FRS3: variants seen among roughly 807,000 people sequenced by gnomAD.
FRS3 encodes fibroblast growth factor receptor substrate 3, also known as FGFR substrate 3.
Under a neutral mutation model 41.9 loss-of-function variants are expected in FRS3, and 17 were observed. The ratio of observed to expected loss-of-function variants is 0.41; its 90% CI spans 0.28 to 0.61. The LOEUF is 0.61. Ranked by LOEUF, FRS3 falls within the 20% of genes least tolerant of loss-of-function variation. The pLI is 0.36. For missense variants in FRS3, 619 were observed against 672.1 expected, an observed-to-expected ratio of 0.92 and a Z score of 0.87; for synonymous variants, 287 against 274.5, an observed-to-expected ratio of 1.05 and a Z score of -0.45.
chr6:41,773,032 G>T, intron 4 of FRS3, 73 bp from the exon 5 acceptor site: 2 of 1,278,090 alleles, frequency 1.6e-6, no homozygotes, highest in South Asian at 1.2e-5. Context: ...TGCACAATGT[G>T]CAGGAAATGT....
Position 41,770,767 on chromosome 6 carries a change from G to C in FRS3, c.1331C>G (p.Pro444Arg). ...QNPSSPQAPM[P>R]TTHPARSSDS... Reference sequence around the variant, plus strand: ...TGAGCTTCGGGCAGGGTGGGTGGTGGGCATGGGGGCTTGGGGGCTCGAGGG... The same window carrying C: ...TGAGCTTCGGGCAGGGTGGGTGGTGCGCATGGGGGCTTGGGGGCTCGAGGG... The change falls in exon 7 of 7, where the codon CCC (proline) becomes CGC (arginine). Residue 444 changes from proline to arginine, a missense_variant. Coordinates refer to ENST00000373018, the MANE Select transcript of FRS3 (RefSeq NM_006653.5). The C allele has an allele frequency of 6.2e-7, 1 of 1,613,508 alleles. No homozygotes were observed. Among genetic ancestry groups the C allele is most frequent in the South Asian group, 1.1e-5 (1 of 91,080 alleles).
Position 41,770,766 on chromosome 6 carries a change from G to C in FRS3, c.1332C>G (p.Pro444=), listed in dbSNP as rs1288350688. ...CTGAGCTTCGGGCAGGGTGGGTGGT[G>C]GGCATGGGGGCTTGGGGGCTCGAGG... The part of the protein sequence containing the change: ...QNPSSPQAPM[P]TTHPARSSDS... The change falls in exon 7 of 7, where the codon CCC becomes CCG. Residue 444 remains proline, a synonymous_variant. Coordinates refer to ENST00000373018, the MANE Select transcript of FRS3 (RefSeq NM_006653.5). 2 of 1,613,316 alleles carry C rather than the reference G, an allele frequency of 1.2e-6. No homozygotes were observed. Among genetic ancestry groups the C allele is most frequent in the African/African-American group, 2.7e-5 (2 of 74,932 alleles).
Position 41,770,907 on chromosome 6 carries a change from T to C in FRS3, c.1191A>G (p.Pro397=), listed in dbSNP as rs1355269143. 6.2e-7 allele frequency: 1 copy of C among 1,611,336 alleles called. No individual in the cohort carries two copies. The highest frequency in any genetic ancestry group is 1.1e-5 in the South Asian group (1 of 91,066). ...GGCGGAAATCAAAGTTGAAGACCCTTGGGGAGCCGCGGCGGCGGGTCAGTG... is the reference window on the plus strand; with the variant it reads ...GGCGGAAATCAAAGTTGAAGACCCTCGGGGAGCCGCGGCGGCGGGTCAGTG... ...PVPLTRRRGS[P]RVFNFDFRRP... The change falls in exon 7 of 7, where the codon CCA becomes CCG. Residue 397 remains proline, a synonymous_variant. Transcript: ENST00000373018.
intron 4 of FRS3, among the ~76,000 whole-genome samples, chr6:41,773,753 T>C (rs1561891713): frequency 1.3e-5 from 2 of 151,370 alleles, no homozygotes; most frequent in East Asian, 4.1e-4. Context: ...GCACCTGTAA[T>C]CCCAACTACT....
At chr6:41,776,694 T>C (rs1717444591) in intron 3 of FRS3, 3 of 500,196 alleles carry the variant, frequency 6.0e-6, no homozygotes, top group South Asian at 3.6e-5. Context: ...AGCACCATTA[T>C]GGCATTTCTT....
chr6:41,778,626 C>T (rs998330700), intron 1 of FRS3, among the ~76,000 whole-genome samples: 5 of 151,350 alleles, frequency 3.3e-5, no homozygotes, highest in Non-Finnish European at 7.4e-5. Context: ...TAAGTCAACG[C>T]CCCCCCCAAC....
chr6:41,779,746 GCGGC>G (rs1772493309), intron 1 of FRS3, 66 bp downstream of exon 1: 1 of 2,026 alleles, frequency 4.9e-4, no homozygotes, highest in African/African-American at 2.0e-3. Context: ...AGACTGCGGC[GCGGC>G]GCGGCGCGGC....
Position 41,771,974 on chromosome 6 carries a change from C to T in FRS3, c.416-10G>A, listed in dbSNP as rs184674976. 67 of 1,532,362 alleles carry T rather than the reference C, an allele frequency of 4.4e-5. No individual in the cohort carries two copies. The highest frequency in any genetic ancestry group is 3.4e-4 in the Admixed American group (17 of 49,702). The allele number at this position is 1,532,362 out of a possible 1,614,324, so 94.9% of individuals were successfully genotyped here. On this transcript the variant is annotated splice_polypyrimidine_tract_variant and intron_variant, in intron 5 of 6. Coordinates refer to ENST00000373018, the MANE Select transcript of FRS3 (RefSeq NM_006653.5). ...ACAGTGTAGCCTAGAGCTGAGCACA[C>T]GGGAGACAAGCCCAGGAGAGGGGAA...
At chr6:41,771,790 C>T (rs1263006188) in intron 6 of FRS3, 26 bp downstream of exon 6, 3 of 1,547,360 alleles carry the variant, frequency 1.9e-6, no homozygotes, top group Admixed American at 3.9e-5. Context: ...ACCAACAGGG[C>T]AGGGGCTGGC....
intron 4 of FRS3, among the ~76,000 whole-genome samples, chr6:41,773,476 C>T (rs1466581642): frequency 1.3e-5 from 2 of 152,178 alleles, no homozygotes. Flanking sequence ...TACCCTGCCC[C>T]AGCACGCCCA....
Position 41,771,364 on chromosome 6 carries a change from C to A in FRS3, c.734G>T (p.Gly245Val), listed in dbSNP as rs1440838108. The change falls in exon 7 of 7, where the codon GGC becomes GTC. Residue 245 changes from glycine (G) to valine (V), a missense_variant. Gly to Val is a moderately radical substitution (Grantham distance 109). Transcript: ENST00000373018. The stretch of plus-strand genomic sequence containing the variant: ...CATGTGCCGCCGAGCAGGGGTCGGG[C>A]CCAACACAAACTTCACCTGGCCTGG... ...LQPGQVKFVLGPTPARRHMVK... is the reference protein window; with the variant it reads ...LQPGQVKFVLVPTPARRHMVK... The A allele has an allele frequency of 2.5e-6, 4 of 1,613,522 alleles. No individual in the cohort carries two copies. Among genetic ancestry groups the A allele is most frequent in the Non-Finnish European group, 3.4e-6 (4 of 1,179,796 alleles).
In FRS3 at chr6:41,771,279, A is replaced by G; in HGVS notation, c.819T>C (p.Asn273=). ...GGGCTGGACACTCAGAAGGGGCCTC[A>G]TTGTTATTATTGTGGTGTGGGGGGT... ...LHDPPHHNNN[N]EAPSECPAQP... The change falls in exon 7 of 7, where the codon AAT becomes AAC. Residue 273 remains asparagine, a synonymous_variant. Coordinates refer to ENST00000373018, the MANE Select transcript of FRS3 (RefSeq NM_006653.5). 1.2e-6 allele frequency: 2 copies of G among 1,612,424 alleles called. No individual in the cohort carries two copies. The highest frequency in any genetic ancestry group is 1.7e-6 in the Non-Finnish European group (2 of 1,179,030).
At position 41,776,944 on chromosome 6, in the gene FRS3, T is replaced by C; in HGVS notation, c.44A>G (p.Asp15Gly). 3 of 1,614,162 alleles carry C rather than the reference T, an allele frequency of 1.9e-6. No homozygotes were observed. The South Asian group carries it at 3.3e-5, about 18-fold the overall frequency. ...CSCLNRDSVP[D>G]NHPTKFKVTN... ...TACCTTGAACTTGGTGGGGTGGTTG[T>C]CTGGAACGCTGTCTCTGTTCAGGCA... The change falls in exon 3 of 7, where the codon GAC (aspartate) becomes GGC (glycine). Residue 15 changes from aspartate (D) to glycine (G), a missense_variant. By Grantham distance (94) the Asp-to-Gly change is moderately conservative. Transcript: ENST00000373018.
rs370139472 is a variant in FRS3 at position 41,771,211 on chromosome 6, C to T, written c.887G>A (p.Arg296Gln). Residue 296 changes from arginine (R) to glutamine (Q), a missense_variant, in exon 7 of 7, where the codon CGA becomes CAA. By Grantham distance (43) the Arg-to-Gln change is conservative (BLOSUM62 1). Coordinates refer to ENST00000373018, the MANE Select transcript of FRS3 (RefSeq NM_006653.5). The part of the protein sequence containing the change: ...TYENVTGGLW[R>Q]GAGWRLSPEE... ...TGGGCTCAGTCTCCAGCCAGCCCCT[C>T]GCCACAGCCCCCCGGTGACGTTCTC... 8.8e-5 allele frequency: 137 copies of T among 1,565,094 alleles called. No individual in the cohort carries two copies. Among genetic ancestry groups the T allele is most frequent in the Non-Finnish European group, 1.1e-4 (131 of 1,152,142 alleles).
At position 41,775,620 on chromosome 6, in the gene FRS3, A is replaced by C. The variant is rs770110083; in HGVS notation, c.67-15T>G. ...ACATTTGTCACCTGGAGGGGAGAAG[A>C]CAGAAGGGTCAATGAGTGAGTCCAA... On this transcript the variant is annotated splice_polypyrimidine_tract_variant and intron_variant, in intron 3 of 6. Transcript: ENST00000373018. 1 of 1,607,018 alleles carries C rather than the reference A, an allele frequency of 6.2e-7. No individual in the cohort carries two copies. The highest frequency in any genetic ancestry group is 1.3e-5 in the African/African-American group (1 of 74,884).
chr6:41,778,606 C>G (rs776098463), intron 1 of FRS3, among the ~76,000 whole-genome samples: 1 of 152,190 alleles, frequency 6.6e-6, no homozygotes, highest in African/African-American at 2.4e-5. Flanking sequence ...TACTAAGTAT[C>G]TGGGAGACTT....
chr6:41,779,154 CA>C (rs147313830), intron 1 of FRS3, among the ~76,000 whole-genome samples: 3,276 of 152,106 alleles, frequency 0.022, 93 homozygotes, highest in African/African-American at 0.068. Context: ...CTCTAGGGTG[CA>C]AGATGGGGGA....
At chr6:41,777,141 C>G (rs758213898) in intron 2 of FRS3, 131 bp from the exon 3 acceptor site, 23 of 641,382 alleles carry the variant, frequency 3.6e-5, no homozygotes, top group Middle Eastern at 2.7e-4. Flanking sequence ...ACAGACCCCC[C>G]CTCAAAGACT....
intron 2 of FRS3, 81 bp from the exon 3 acceptor site, chr6:41,777,091 G>A (rs1196970424): frequency 1.2e-5 from 11 of 930,450 alleles, no homozygotes; most frequent in East Asian, 7.6e-5. Context: ...GCAGAAGCAC[G>A]TCATTGTGAT....
Sources: allele counts gnomAD v4.1 joint callset (sites outside exome capture counted in the v4.1 genomes callset), GRCh38; gene constraint gnomAD v4.1.1; transcripts MANE v1.5; gene names NCBI Gene and HGNC (gene_info 2026-07-23, HGNC 2026-07-21).